NPAS3: variants seen among roughly 807,000 people sequenced by gnomAD.
NPAS3 encodes neuronal PAS domain protein 3.
In NPAS3, 14 loss-of-function variants were observed where a neutral mutation model predicts 73.1. The observed-to-expected ratio is 0.19, with a 90% CI of 0.13 to 0.30. NPAS3 has a LOEUF of 0.30. Among genes scored for constraint, NPAS3 ranks in the 10% least tolerant of loss-of-function variants. NPAS3 has a pLI of 1.00. For synonymous variants in NPAS3, 620 were observed against 541.5 expected (o/e 1.14, Z -2.01); for missense variants, 1,096 against 1,250.0 (o/e 0.88, Z 1.86).
At chr14:32,957,441 G>T (rs1229200787) in intron 1 of NPAS3, among the ~76,000 whole-genome samples, 22 of 148,698 alleles carry the variant, frequency 1.5e-4, no homozygotes, top group African/African-American at 5.5e-4. Flanking sequence ...GTGCGATCTC[G>T]GCTCACTGCA....
At chr14:33,769,745 A>ATTTT (rs5807743) in intron 7 of NPAS3, among the ~76,000 whole-genome samples, 9 of 103,352 alleles carry the variant, frequency 8.7e-5, no homozygotes, top group Non-Finnish European at 1.3e-4. Context: ...AAAGACTTGG[A>ATTTT]TTTTTTTTTT....
chr14:33,770,012 C>A (rs1319447716), intron 7 of NPAS3, among the ~76,000 whole-genome samples: 1 of 151,980 alleles, frequency 6.6e-6, no homozygotes, highest in African/African-American at 2.4e-5. Flanking sequence ...CAATCCTCCT[C>A]CCTGAGGCTC....
chr14:33,072,134 G>A (rs947517263), intron 2 of NPAS3, among the ~76,000 whole-genome samples: 6 of 152,100 alleles, frequency 3.9e-5, no homozygotes, highest in Admixed American at 6.5e-5. Flanking sequence ...CAGGTGATCC[G>A]CCTGCCTCGG....
At chr14:33,467,439 C>T (rs2050578695) in intron 4 of NPAS3, among the ~76,000 whole-genome samples, 2 of 152,148 alleles carry the variant, frequency 1.3e-5, no homozygotes, top group South Asian at 2.1e-4. Context: ...ACAGGTTAAA[C>T]TACTATACAC....
At chr14:33,029,475 C>G (rs1270605049) in intron 1 of NPAS3, among the ~76,000 whole-genome samples, 1 of 152,068 alleles carries the variant, frequency 6.6e-6, no homozygotes, top group Admixed American at 6.6e-5. Flanking sequence ...CAAAAATCAG[C>G]CCAGTATTTC....
rs903599738 is a variant in NPAS3, at chr14:33,590,789, T to G, written c.558+30579T>G. Among the ~76,000 whole-genome samples, 3 of 152,180 alleles carry G rather than the reference T, an allele frequency of 2.0e-5. No homozygotes were observed. In the South Asian group the frequency reaches 6.2e-4, roughly 32 times the overall value. ...TTCCCTGGCTTTCTCTGGATCCAGG[T>G]GGCTCAGGATGAGCTCACAAATATC... On this transcript the variant is annotated intron_variant, in intron 5 of 11. Transcript: ENST00000356141.
intron 1 of NPAS3, among the ~76,000 whole-genome samples, chr14:33,022,643 C>T (rs537060708): frequency 0.018 from 2,127 of 120,798 alleles, 52 homozygotes; most frequent in African/African-American, 0.065. Context: ...CCAGCCTGGG[C>T]GACAGAGCGA....
At chr14:33,218,953 T>C (rs958435583) in intron 3 of NPAS3, among the ~76,000 whole-genome samples, 3 of 152,186 alleles carry the variant, frequency 2.0e-5, no homozygotes, top group Non-Finnish European at 4.4e-5. Context: ...GTATGTAATA[T>C]GTCCCAAGTC....
chr14:33,799,956 T>G (rs1337745205), exon 12 of NPAS3: 1 of 1,613,882 alleles, frequency 6.2e-7, no homozygotes, highest in African/African-American at 1.3e-5. Flanking sequence ...TTCGGTGCTC[T>G]GGGCGCGATG....
At chr14:33,316,685 T>C (rs2043219602) in intron 3 of NPAS3, among the ~76,000 whole-genome samples, 1 of 152,036 alleles carries the variant, frequency 6.6e-6, no homozygotes, top group Non-Finnish European at 1.5e-5. Flanking sequence ...TAACTACCAC[T>C]AGAAAAAAGT....
chr14:33,401,011 CA>C (rs1236044503), intron 4 of NPAS3, among the ~76,000 whole-genome samples: 2 of 152,006 alleles, frequency 1.3e-5, no homozygotes, highest in African/African-American at 2.4e-5. Flanking sequence ...AGATTTCATA[CA>C]TATTAGATAT....
chr14:33,359,974 T>C (rs1423774291), intron 3 of NPAS3, among the ~76,000 whole-genome samples: 1 of 152,190 alleles, frequency 6.6e-6, no homozygotes, highest in Non-Finnish European at 1.5e-5. Context: ...CTGGAGATAG[T>C]ACTCAGAAAG....
chr14:33,492,449 C>T lies in NPAS3; in HGVS notation c.469-67672C>T, dbSNP rs182756364. ...AGGCAGAGGAAGAGATTATTCTTTG[C>T]ATTTACTTAGGAGGACATGAATGTT... is the stretch of plus-strand genomic sequence containing the variant. On this transcript the variant is annotated intron_variant, in intron 4 of 11. Coordinates refer to ENST00000356141, the Ensembl canonical transcript of NPAS3. Among the ~76,000 whole-genome samples, 3 of 152,262 alleles carry T rather than the reference C, an allele frequency of 2.0e-5. No individual in the cohort carries two copies. In the South Asian group the frequency reaches 6.2e-4, roughly 32 times the overall value.
intron 3 of NPAS3, among the ~76,000 whole-genome samples, chr14:33,310,672 G>A (rs926727226): frequency 2.6e-5 from 4 of 152,106 alleles, no homozygotes; most frequent in African/African-American, 9.7e-5. Context: ...AGCAGGTAAT[G>A]TGTTTTTAAG....
At chr14:33,308,610 G>GCA (rs943969050) in intron 3 of NPAS3, among the ~76,000 whole-genome samples, 2 of 146,346 alleles carry the variant, frequency 1.4e-5, no homozygotes, top group Non-Finnish European at 3.0e-5. Context: ...ACACACTTGT[G>GCA]CACACACACA....
intron 2 of NPAS3, among the ~76,000 whole-genome samples, chr14:33,151,472 G>A (rs1402550939): frequency 1.3e-5 from 2 of 152,170 alleles, no homozygotes; most frequent in Admixed American, 1.3e-4. Flanking sequence ...TATAAAAGAG[G>A]GTGATGAGAA....
intron 7 of NPAS3, 115 bp downstream of exon 7, chr14:33,735,447 C>T (rs1312576760): frequency 2.7e-6 from 2 of 733,616 alleles, no homozygotes; most frequent in Admixed American, 2.0e-5. Flanking sequence ...TCTTGAGGAG[C>T]CCATAGGATT....
At chr14:33,704,501 AAGT>A (rs993610644) in intron 6 of NPAS3, among the ~76,000 whole-genome samples, 1 of 152,200 alleles carries the variant, frequency 6.6e-6, no homozygotes, top group Non-Finnish European at 1.5e-5. Flanking sequence ...TAAAAATAAA[AAGT>A]AGTTCATGCA....
intron 4 of NPAS3, among the ~76,000 whole-genome samples, chr14:33,508,030 C>T (rs2052857188): frequency 6.6e-6 from 1 of 151,968 alleles, no homozygotes; most frequent in South Asian, 2.1e-4. Flanking sequence ...CATGAGAGCA[C>T]TCAACTTGCC....
Sources: allele counts gnomAD v4.1 joint callset (sites outside exome capture counted in the v4.1 genomes callset), GRCh38; gene constraint gnomAD v4.1.1; transcripts MANE v1.5; gene names NCBI Gene and HGNC (gene_info 2026-07-23, HGNC 2026-07-21).